Variants in RAB30 observed in about 807,000 individuals in gnomAD.
RAB30 encodes the protein ras-related protein Rab-30.
Under a neutral mutation model 25.1 loss-of-function variants are expected in RAB30, and 9 were observed. The observed-to-expected ratio is 0.36, with a 90% CI of 0.22 to 0.63. The LOEUF (loss-of-function observed/expected upper bound fraction) is 0.63, where lower values mean the gene tolerates loss of function less well. Ranked by LOEUF, RAB30 falls within the 20% of genes least tolerant of loss-of-function variation. The probability of loss-of-function intolerance (pLI) is 0.69; values close to 1 mark genes in which losing one functional copy is unlikely to be tolerated. For missense variants in RAB30, 140 were observed against 243.5 expected, an observed-to-expected ratio of 0.58 and a Z score of 2.83; for synonymous variants, 77 against 86.4, an observed-to-expected ratio of 0.89 and a Z score of 0.60.
At chr11:83,030,324 G>A (rs1483235627) in intron 1 of RAB30, among the ~76,000 whole-genome samples, 2 of 148,796 alleles carry the variant, frequency 1.3e-5, no homozygotes, top group East Asian at 1.9e-4. Context: ...TGGTGAGACC[G>A]CATCTCTTCA....
chr11:83,039,160 C>A (rs925358307), intron 1 of RAB30: 14 of 152,270 alleles, frequency 9.2e-5, no homozygotes, highest in African/African-American at 3.4e-4. Flanking sequence ...ATTTTACCAA[C>A]TAGTCATTTA....
chr11:83,001,009 A>G (rs1385134951), intron 1 of RAB30, among the ~76,000 whole-genome samples: 1 of 134,734 alleles, frequency 7.4e-6, no homozygotes, highest in Non-Finnish European at 1.5e-5. Flanking sequence ...ATCGCGCCAC[A>G]GCACTCCCGC....
chr11:83,017,008 T>C lies in RAB30; in HGVS notation c.-8-19684A>G, dbSNP rs184184254. Among the ~76,000 whole-genome samples the C allele has an allele frequency of 2.6e-4, 40 of 151,992 alleles. No individual in the cohort carries two copies. The East Asian group carries it at 7.0e-3, about 26-fold the overall frequency. On this transcript the variant is annotated intron_variant, in intron 1 of 4. Transcript: ENST00000527633. ...TGGAAAAATCACAGTGCAATGTAAG[T>C]GGAAAAACTTGAGGGGCTAAACTCT...
At chr11:83,044,061 T>C (rs1858186984) in intron 1 of RAB30, among the ~76,000 whole-genome samples, 1 of 151,966 alleles carries the variant, frequency 6.6e-6, no homozygotes, top group Admixed American at 6.5e-5. Flanking sequence ...GAAAAATTTG[T>C]GTAGGGTTGG....
At position 82,979,295 on chromosome 11, in the gene RAB30, G is replaced by T. The variant is rs925151226; in HGVS notation, c.*2870C>A. 1 of 152,144 alleles carries T rather than the reference G, an allele frequency of 6.6e-6. No individual in the cohort carries two copies. The highest frequency in any genetic ancestry group is 1.5e-5 in the Non-Finnish European group (1 of 68,026). 9.4% of individuals were successfully genotyped at this position (152,144 alleles called of 1,614,324 possible). On this transcript the variant is annotated 3_prime_UTR_variant, in exon 5 of 5. Transcript: ENST00000527633. ...TTGCCATATATTTAATAACTTTATTGAATGAAGAAAAAGATCACACCAAAA... is the reference window on the plus strand; with the variant it reads ...TTGCCATATATTTAATAACTTTATTTAATGAAGAAAAAGATCACACCAAAA...
At chr11:83,009,238 A>G (rs1590849662) in intron 1 of RAB30, among the ~76,000 whole-genome samples, 2 of 152,112 alleles carry the variant, frequency 1.3e-5, no homozygotes, top group Admixed American at 6.5e-5. Context: ...GCTAATTTTC[A>G]TATTTTTAGT....
In RAB30 at chr11:82,982,137, A is replaced by T. The variant is rs375263720; in HGVS notation, c.*28T>A. The T allele has an allele frequency of 6.2e-7, 1 of 1,613,156 alleles. No individual in the cohort carries two copies. Reference sequence around the variant, plus strand: ...TCATGGCCCATCAGGGCAGTTGCTGATTCCTTTTCTTCTCCGTGCCTCAGC... The same window carrying T: ...TCATGGCCCATCAGGGCAGTTGCTGTTTCCTTTTCTTCTCCGTGCCTCAGC... On this transcript the variant is annotated 3_prime_UTR_variant, in exon 5 of 5. Transcript: ENST00000527633.
chr11:83,069,778 C>T (rs933040714), intron 1 of RAB30, among the ~76,000 whole-genome samples: 1 of 152,218 alleles, frequency 6.6e-6, no homozygotes, highest in Non-Finnish European at 1.5e-5. Context: ...AGCCCAACTG[C>T]AGCATTTCAT....
intron 1 of RAB30, among the ~76,000 whole-genome samples, chr11:83,013,638 C>T (rs1315537191): frequency 6.6e-6 from 1 of 152,134 alleles, no homozygotes; most frequent in Non-Finnish European, 1.5e-5. Context: ...TGGCAAAGAT[C>T]ATATAACCAA....
chr11:83,013,377 G>A (rs1857347152), intron 1 of RAB30, among the ~76,000 whole-genome samples: 1 of 152,118 alleles, frequency 6.6e-6, no homozygotes, highest in Non-Finnish European at 1.5e-5. Context: ...AAGCCACTGC[G>A]CCTGGCCAGA....
chr11:83,043,706 A>G (rs1169672682), intron 1 of RAB30, among the ~76,000 whole-genome samples: 1 of 152,154 alleles, frequency 6.6e-6, no homozygotes, highest in Non-Finnish European at 1.5e-5. Context: ...CAATTGGTAA[A>G]CCTAAGTAAA....
chr11:83,007,513 A>T (rs1197531950), intron 1 of RAB30, among the ~76,000 whole-genome samples: 1 of 152,230 alleles, frequency 6.6e-6, no homozygotes, highest in Non-Finnish European at 1.5e-5. Flanking sequence ...CATGAGAATG[A>T]TTCCACAAAG....
At chr11:83,005,770 A>G (rs1227382469) in intron 1 of RAB30, among the ~76,000 whole-genome samples, 1 of 152,112 alleles carries the variant, frequency 6.6e-6, no homozygotes, top group Non-Finnish European at 1.5e-5. Context: ...AAAATTCTGT[A>G]TGGCAAAACA....
rs952361327 is a variant in RAB30, at chr11:82,987,829, A to G, written c.178-59T>C. The G allele has an allele frequency of 5.6e-6, 7 of 1,256,248 alleles. No individual in the cohort carries two copies. In the East Asian group the frequency reaches 1.8e-4, roughly 33 times the overall value. The allele number at this position is 1,256,248 out of a possible 1,614,324, so 77.8% of individuals were successfully genotyped here. On this transcript the variant is annotated intron_variant, in intron 3 of 4. Transcript: ENST00000527633. The stretch of plus-strand genomic sequence containing the variant: ...AGGATCAGGTTGGAGAAAAAAAGAA[A>G]AAAAAAGCTTTGCCTTGCTTTGGTT...
At chr11:83,041,552 C>T (rs909765157) in intron 1 of RAB30, 1 of 186,778 alleles carries the variant, frequency 5.4e-6, no homozygotes, top group Middle Eastern at 5.0e-4. Context: ...CTATTGAACA[C>T]CAGGCCCCAA....
intron 1 of RAB30, among the ~76,000 whole-genome samples, chr11:83,070,670 C>A (rs1858818364): frequency 6.6e-6 from 1 of 152,080 alleles, no homozygotes; most frequent in Admixed American, 6.5e-5. Flanking sequence ...ATAACTCTTA[C>A]AAGAGCATCA....
rs1856502911 is a variant in RAB30 at position 82,974,214 on chromosome 11, G to A, written c.*7951C>T. 1 of 152,082 alleles carries A rather than the reference G, an allele frequency of 6.6e-6. No homozygotes were observed. 9.4% of individuals were successfully genotyped at this position (152,082 alleles called of 1,614,324 possible). The stretch of plus-strand genomic sequence containing the variant: ...AGTGAATATGATTAAAAACATTGAA[G>A]TTTACACCTTAATAGGATAAACCGT... On this transcript the variant is annotated 3_prime_UTR_variant, in exon 5 of 5. Coordinates refer to ENST00000527633, the MANE Select transcript of RAB30 (RefSeq NM_001286060.2).
At chr11:83,050,820 T>C (rs1429102014) in intron 1 of RAB30, among the ~76,000 whole-genome samples, 2 of 152,206 alleles carry the variant, frequency 1.3e-5, no homozygotes, top group African/African-American at 2.4e-5. Context: ...GATGGTGACA[T>C]AGATTCCATG....
intron 1 of RAB30, among the ~76,000 whole-genome samples, chr11:83,007,625 G>A (rs1857212381): frequency 1.3e-5 from 2 of 152,244 alleles, no homozygotes; most frequent in South Asian, 4.1e-4. Context: ...CCTACACTAA[G>A]CACAGATTTG....
Sources: allele counts gnomAD v4.1 joint callset (sites outside exome capture counted in the v4.1 genomes callset), GRCh38; gene constraint gnomAD v4.1.1; transcripts MANE v1.5; gene names NCBI Gene and HGNC (gene_info 2026-07-23, HGNC 2026-07-21).